TENM4: variants seen among roughly 807,000 people sequenced by gnomAD.
The protein encoded by TENM4 is teneurin transmembrane protein 4.
TENM4 carries 82 observed loss-of-function variants against 243.3 expected under a neutral mutation model. The observed-to-expected ratio is 0.34, with a 90% CI of 0.28 to 0.40. The LOEUF (loss-of-function observed/expected upper bound fraction) is 0.40, where lower values mean the gene tolerates loss of function less well. Ranked by LOEUF, TENM4 falls within the 10% of genes least tolerant of loss-of-function variation. The pLI is 1.00. For missense variants in TENM4, 3,138 were observed against 3,673.3 expected, an observed-to-expected ratio of 0.85 and a Z score of 3.77; for synonymous variants, 1,412 against 1,456.3, an observed-to-expected ratio of 0.97 and a Z score of 0.69.
chr11:78,748,505 G>A (rs1590990451), intron 19 of TENM4, among the ~76,000 whole-genome samples: 2 of 152,214 alleles, frequency 1.3e-5, no homozygotes, highest in South Asian at 2.1e-4. Flanking sequence ...TAGGGTTGTA[G>A]TGGCACCACA....
At chr11:79,149,199 T>C (rs539684620) in intron 3 of TENM4, among the ~76,000 whole-genome samples, 1 of 152,164 alleles carries the variant, frequency 6.6e-6, no homozygotes, top group East Asian at 1.9e-4. Flanking sequence ...CAGAGAAAGG[T>C]ACCAGTGGAG....
At chr11:78,863,715 T>A (rs920735312) in intron 9 of TENM4, among the ~76,000 whole-genome samples, 2 of 152,224 alleles carry the variant, frequency 1.3e-5, no homozygotes, top group African/African-American at 4.8e-5. Context: ...AAAGCAAGCA[T>A]TCCCATATTT....
At chr11:79,357,139 T>G (rs566119596) in intron 1 of TENM4, among the ~76,000 whole-genome samples, 1 of 152,320 alleles carries the variant, frequency 6.6e-6, no homozygotes, top group South Asian at 2.1e-4. Flanking sequence ...GATGCTTCAT[T>G]GAGTGACTGT....
chr11:79,049,421 G>A (rs2136931471), intron 6 of TENM4, among the ~76,000 whole-genome samples: 1 of 152,326 alleles, frequency 6.6e-6, no homozygotes, highest in South Asian at 2.1e-4. Context: ...GAACTACAAG[G>A]CCGTCCTGAG....
intron 6 of TENM4, among the ~76,000 whole-genome samples, chr11:79,043,678 A>C (rs1244080469): frequency 6.6e-6 from 1 of 152,220 alleles, no homozygotes; most frequent in East Asian, 1.9e-4. Context: ...AAAACAGGAC[A>C]TGGAAATATC....
At chr11:78,844,195 T>C (rs1858330214) in intron 12 of TENM4, among the ~76,000 whole-genome samples, 1 of 152,214 alleles carries the variant, frequency 6.6e-6, no homozygotes, top group South Asian at 2.1e-4. Flanking sequence ...TCTCAATTCC[T>C]CCTTGTTATT....
chr11:79,013,851 G>A (rs371757006), intron 6 of TENM4, among the ~76,000 whole-genome samples: 93 of 152,204 alleles, frequency 6.1e-4, no homozygotes, highest in African/African-American at 2.2e-3. Context: ...CCAGGCCCCC[G>A]CAGTGGCCCT....
intron 1 of TENM4, among the ~76,000 whole-genome samples, chr11:79,427,386 A>G (rs1380135879): frequency 1.3e-5 from 2 of 152,244 alleles, no homozygotes; most frequent in Non-Finnish European, 2.9e-5. Context: ...AGTTAAATAA[A>G]TAATGGTATA....
chr11:78,717,812 T>C (rs1859556682), intron 25 of TENM4, among the ~76,000 whole-genome samples: 1 of 152,154 alleles, frequency 6.6e-6, no homozygotes. Flanking sequence ...GTATCTGGGT[T>C]TGATGGACAC....
intron 15 of TENM4, 75 bp from the exon 16 acceptor site, chr11:78,787,158 A>G: frequency 6.9e-7 from 1 of 1,440,266 alleles, no homozygotes; most frequent in Non-Finnish European, 9.2e-7. Flanking sequence ...CAGGGGAGAG[A>G]GGAGAGAGAA....
chr11:79,158,856 C>T (rs865851735), intron 3 of TENM4, among the ~76,000 whole-genome samples: 3 of 152,184 alleles, frequency 2.0e-5, no homozygotes, highest in Non-Finnish European at 2.9e-5. Context: ...GAGGAAGCTG[C>T]TAGCATGGGT....
chr11:79,149,014 G>C (rs149306326), intron 3 of TENM4, among the ~76,000 whole-genome samples: 21 of 152,256 alleles, frequency 1.4e-4, no homozygotes, highest in Admixed American at 9.2e-4. Context: ...CTAGCACAGT[G>C]CCTGGCACAT....
intron 1 of TENM4, among the ~76,000 whole-genome samples, chr11:79,419,381 G>A (rs577729780): frequency 6.6e-6 from 1 of 152,170 alleles, no homozygotes; most frequent in Non-Finnish European, 1.5e-5. Flanking sequence ...TAAGAGGTCA[G>A]CTCCCTTCCT....
intron 3 of TENM4, among the ~76,000 whole-genome samples, chr11:79,202,444 A>G (rs1258789389): frequency 6.6e-6 from 1 of 152,234 alleles, no homozygotes; most frequent in Non-Finnish European, 1.5e-5. Context: ...AAATGGTGGC[A>G]TGAAAAATTT....
intron 1 of TENM4, among the ~76,000 whole-genome samples, chr11:79,345,778 T>C (rs1857315791): frequency 6.6e-6 from 1 of 152,202 alleles, no homozygotes; most frequent in Non-Finnish European, 1.5e-5. Flanking sequence ...TATTATACCT[T>C]ACCGATAATT....
chr11:78,736,477 T>TGTGTGTGTGTGTGTGTGTGTGCGC (rs1328804792), intron 20 of TENM4, among the ~76,000 whole-genome samples: 2 of 102,066 alleles, frequency 2.0e-5, no homozygotes, highest in African/African-American at 6.7e-5. Context: ...TGTGTGTGTG[T>TGTGTGTGTGTGTGTGTGTGTGCGC]GTGCGCGCGC....
chr11:78,704,800 A>G (rs1202722955), intron 27 of TENM4, among the ~76,000 whole-genome samples: 1 of 152,246 alleles, frequency 6.6e-6, no homozygotes, highest in Non-Finnish European at 1.5e-5. Context: ...TAGTTTACCA[A>G]TGTAAAAAGA....
intron 1 of TENM4, among the ~76,000 whole-genome samples, chr11:79,310,614 C>T (rs1006869071): frequency 6.6e-6 from 1 of 152,234 alleles, no homozygotes; most frequent in Non-Finnish European, 1.5e-5. Flanking sequence ...GTTCTTTCCA[C>T]TCAATCAAAG....
At chr11:79,316,342 C>A (rs1188481315) in intron 1 of TENM4, among the ~76,000 whole-genome samples, 2 of 152,146 alleles carry the variant, frequency 1.3e-5, no homozygotes, top group African/African-American at 4.8e-5. Flanking sequence ...GTTTCGACAT[C>A]TTTTACCAGT....
Sources: gnomAD v4.1 joint callset for allele counts (sites outside exome capture counted in the v4.1 genomes callset) on GRCh38, gnomAD v4.1.1 for gene constraint, MANE v1.5 for transcripts, NCBI Gene and HGNC (gene_info 2026-07-23, HGNC 2026-07-21) for gene names.